SLC35F2: variants seen among roughly 807,000 people sequenced by gnomAD.
SLC35F2 encodes the protein queuine/queuosine transporter SLC35F2.
A neutral mutation model predicts 38.1 loss-of-function variants in SLC35F2; 25 were observed. The ratio of observed to expected loss-of-function variants is 0.66; its 90% confidence interval spans 0.48 to 0.92. The LOEUF is 0.92. SLC35F2 is among the 40% of genes least tolerant of loss of function. The pLI is 0.00. For missense variants in SLC35F2, 409 were observed against 452.9 expected (o/e 0.90, Z 0.88); for synonymous variants, 173 against 181.7 (o/e 0.95, Z 0.38).
At chr11:107,811,389 AC>A (rs1859476604) in intron 3 of SLC35F2, among the ~76,000 whole-genome samples, 1 of 152,230 alleles carries the variant, frequency 6.6e-6, no homozygotes, top group Admixed American at 6.5e-5. Context: ...ACGTGTCAAC[AC>A]CACAGCATCA....
intron 7 of SLC35F2, among the ~76,000 whole-genome samples, chr11:107,796,385 G>A (rs544269872): frequency 1.4e-4 from 22 of 152,124 alleles, no homozygotes; most frequent in Non-Finnish European, 2.4e-4. Context: ...CTAACTGTCC[G>A]TCAGTGGACA....
chr11:107,820,056 G>C (rs1859643438), intron 1 of SLC35F2, among the ~76,000 whole-genome samples: 1 of 151,968 alleles, frequency 6.6e-6, no homozygotes, highest in South Asian at 2.1e-4. Context: ...AGGAGTTTGA[G>C]ACCAGCTTGG....
At chr11:107,847,972 G>A (rs1860124359) in intron 1 of SLC35F2, among the ~76,000 whole-genome samples, 1 of 152,154 alleles carries the variant, frequency 6.6e-6, no homozygotes, top group South Asian at 2.1e-4. Context: ...AGTGCCAAAT[G>A]ATTCCATTTA....
At chr11:107,835,604 A>G (rs1421770654) in intron 1 of SLC35F2, among the ~76,000 whole-genome samples, 1 of 151,808 alleles carries the variant, frequency 6.6e-6, no homozygotes, top group African/African-American at 2.4e-5. Context: ...TAATTTTTTT[A>G]TTTTTAGTAG....
chr11:107,818,075 AGAAAG>A, intron 1 of SLC35F2, among the ~76,000 whole-genome samples: 1 of 68,284 alleles, frequency 1.5e-5, no homozygotes, highest in Non-Finnish European at 3.2e-5. Context: ...AAAAAAAAAA[AGAAAG>A]AAAGAAAGAA....
Position 107,811,664 on chromosome 11 carries a change from T to C in SLC35F2, c.414+3A>G. ...CCAAAGTGGTCAGAGGGCTCCCTCT[T>C]ACCTGGACACTGGTTAGAGTTGTGT... On this transcript the variant is annotated splice_donor_region_variant and intron_variant, in intron 3 of 7. Transcript: ENST00000525815. The C allele has an allele frequency of 6.2e-7, 1 of 1,609,628 alleles. No individual in the cohort carries two copies. Among genetic ancestry groups the C allele is most frequent in the East Asian group, 2.2e-5 (1 of 44,794 alleles).
At chr11:107,798,489 G>A (rs1859254549) in intron 7 of SLC35F2, among the ~76,000 whole-genome samples, 1 of 152,168 alleles carries the variant, frequency 6.6e-6, no homozygotes, top group Admixed American at 6.5e-5. Flanking sequence ...CTTTTATTAG[G>A]ATGGAGAGAC....
chr11:107,818,410 G>A (rs1591194678), intron 1 of SLC35F2, among the ~76,000 whole-genome samples: 1 of 136,342 alleles, frequency 7.3e-6, no homozygotes, highest in Non-Finnish European at 1.6e-5. Context: ...AAGAAAAAAA[G>A]AAAAGAAACA....
At chr11:107,843,858 AAAAAAAAAAAATAT>A (rs1450292321) in intron 1 of SLC35F2, among the ~76,000 whole-genome samples, 1 of 39,320 alleles carries the variant, frequency 2.5e-5, no homozygotes. Context: ...AAAAAAAAAA[AAAAAAAAAAAATAT>A]ATATATATAT....
At chr11:107,854,146 A>G (rs1860238659) in intron 1 of SLC35F2, among the ~76,000 whole-genome samples, 2 of 152,216 alleles carry the variant, frequency 1.3e-5, no homozygotes, top group Non-Finnish European at 2.9e-5. Context: ...CAATTAAATA[A>G]TAATACCAGG....
At chr11:107,810,277 A>G (rs75891026) in intron 3 of SLC35F2, 28 of 985,380 alleles carry the variant, frequency 2.8e-5, no homozygotes, top group Non-Finnish European at 3.3e-5. Context: ...AGCGTGAAAG[A>G]AATTGTTTTC....
chr11:107,832,812 C>G (rs1225591385), intron 1 of SLC35F2, among the ~76,000 whole-genome samples: 1 of 152,060 alleles, frequency 6.6e-6, no homozygotes, highest in Non-Finnish European at 1.5e-5. Flanking sequence ...GTCTCAAAAA[C>G]AAACAAACAA....
At chr11:107,844,713 G>A (rs1373449541) in intron 1 of SLC35F2, among the ~76,000 whole-genome samples, 2 of 151,902 alleles carry the variant, frequency 1.3e-5, no homozygotes, top group South Asian at 2.1e-4. Flanking sequence ...GGTGGCTCAC[G>A]CCTGTAATCC....
chr11:107,852,305 A>G (rs1860199569), intron 1 of SLC35F2, among the ~76,000 whole-genome samples: 1 of 152,128 alleles, frequency 6.6e-6, no homozygotes. Context: ...TAATCCCAAC[A>G]CTTTGGGAGG....
intron 6 of SLC35F2, 113 bp downstream of exon 6, chr11:107,804,605 C>A: frequency 1.3e-6 from 1 of 773,530 alleles, no homozygotes; most frequent in South Asian, 1.8e-5. Context: ...TGTATTAAAT[C>A]ACTCCTGGAT....
chr11:107,809,816 A>T (rs1008972001), intron 3 of SLC35F2: 1 of 985,382 alleles, frequency 1.0e-6, no homozygotes, highest in East Asian at 1.1e-4. Flanking sequence ...AGAGAAAATG[A>T]AAATTGAATT....
At chr11:107,804,048 G>C (rs1381343183) in intron 6 of SLC35F2, among the ~76,000 whole-genome samples, 1 of 150,324 alleles carries the variant, frequency 6.7e-6, no homozygotes. Context: ...ATGTTGGCCA[G>C]GCTGGTCTCG....
At chr11:107,855,890 A>G (rs1157326511) in intron 1 of SLC35F2, among the ~76,000 whole-genome samples, 5 of 151,818 alleles carry the variant, frequency 3.3e-5, no homozygotes, top group African/African-American at 1.2e-4. Flanking sequence ...AGGTAGATGG[A>G]TCACCTGAGG....
At chr11:107,811,196 C>A (rs1395361747) in intron 3 of SLC35F2, 1 of 985,010 alleles carries the variant, frequency 1.0e-6, no homozygotes, top group African/African-American at 1.7e-5. Context: ...CAAGAATAAA[C>A]CTAACAAAGA....
Sources: gnomAD v4.1 joint callset for allele counts (sites outside exome capture counted in the v4.1 genomes callset) on GRCh38, gnomAD v4.1.1 for gene constraint, MANE v1.5 for transcripts, NCBI Gene and HGNC (gene_info 2026-07-23, HGNC 2026-07-21) for gene names.